The following REV1 variants were observed in gnomAD, a reference collection of about 807,000 sequenced individuals.
REV1 encodes REV1 DNA directed polymerase, also known as translesion synthesis protein REV1.
In REV1, 42 loss-of-function variants were observed where a neutral mutation model predicts 137.4. That is an observed-to-expected ratio of 0.31 (90% confidence interval 0.24 to 0.40). The LOEUF (loss-of-function observed/expected upper bound fraction) is 0.40, where lower values mean the gene tolerates loss of function less well. Among genes scored for constraint, REV1 ranks in the 10% least tolerant of loss-of-function variants. The probability of loss-of-function intolerance (pLI) is 1.00; values close to 1 mark genes in which losing one functional copy is unlikely to be tolerated. For synonymous variants in REV1, 524 were observed against 519.2 expected, an observed-to-expected ratio of 1.01 and a Z score of -0.12; for missense variants, 1,282 against 1,490.1, an observed-to-expected ratio of 0.86 and a Z score of 2.30.
intron 6 of REV1, among the ~76,000 whole-genome samples, chr2:99,436,993 T>G (rs891969013): frequency 1.3e-5 from 2 of 150,024 alleles, no homozygotes; most frequent in African/African-American, 4.9e-5. Flanking sequence ...TTTTTTTGTT[T>G]TTTTTTTTTT....
Position 99,402,784 on chromosome 2 carries a change from G to C in REV1, c.3401C>G (p.Ser1134Cys), listed in dbSNP as rs1486583082. 1.9e-6 allele frequency: 3 copies of C among 1,614,100 alleles called. No individual in the cohort carries two copies. Among genetic ancestry groups the C allele is most frequent in the Non-Finnish European group, 2.5e-6 (3 of 1,180,048 alleles). ...AEKPLEELSA[S>C]TSGVPGLSSL... ...AGAAAGGCCTGGCACACCTGAAGTA[G>C]AAGCAGAGAGTTCTTCCTGTTAAGA... The change falls in exon 21 of 23, where the codon TCT becomes TGT. Residue 1134 changes from serine (S) to cysteine (C), a missense_variant. Ser to Cys is a moderately radical substitution (Grantham distance 112). This residue lies in a region of REV1 where 170 missense variants were observed against 156.8 expected (regional missense o/e 1.08). Transcript: ENST00000258428.
At position 99,442,252 on chromosome 2, in the gene REV1, CAAAAAAAAA is replaced by C. The variant is rs3070575; in HGVS notation, c.503+56_503+64del. ...CGGCAACAAGAGCAAAACTCCATCT[CAAAAAAAAA>C]AAAAAAAAAAAAAAACCAACCAGCT... On this transcript the variant is annotated intron_variant, in intron 5 of 22. Transcript: ENST00000258428. 3.0e-4 allele frequency: 162 copies of C among 536,856 alleles called. 1 individual carries two copies. The highest frequency in any genetic ancestry group is 4.0e-4 in the Non-Finnish European group (158 of 390,282). The allele number at this position is 536,856 out of a possible 1,614,324, so 33.3% of individuals were successfully genotyped here.
chr2:99,476,031 CTA>C (rs893967403), intron 1 of REV1, among the ~76,000 whole-genome samples: 2 of 152,180 alleles, frequency 1.3e-5, no homozygotes, highest in Non-Finnish European at 2.9e-5. Flanking sequence ...TTCTACACAT[CTA>C]GTTTTAAAAA....
intron 1 of REV1, among the ~76,000 whole-genome samples, chr2:99,465,685 G>C (rs1365077725): frequency 6.6e-6 from 1 of 152,078 alleles, no homozygotes; most frequent in African/African-American, 2.4e-5. Context: ...TAAAGTCAAA[G>C]CCTTTTAACA....
chr2:99,489,194 A>T (rs1468838953), intron 1 of REV1, among the ~76,000 whole-genome samples: 1 of 152,192 alleles, frequency 6.6e-6, no homozygotes, highest in Non-Finnish European at 1.5e-5. Context: ...TATTTAGCGA[A>T]CGGACAAGCA....
chr2:99,409,406 C>G (rs1676789842), intron 14 of REV1, among the ~76,000 whole-genome samples: 2 of 152,150 alleles, frequency 1.3e-5, no homozygotes, highest in Non-Finnish European at 2.9e-5. Context: ...TTGTAAGTAG[C>G]TTTCAGTGTC....
At chr2:99,442,232 A>G (rs892457049) in intron 5 of REV1, 85 bp downstream of exon 5, 1 of 1,327,526 alleles carries the variant, frequency 7.5e-7, no homozygotes, top group Admixed American at 2.5e-5. Context: ...AGCCTCGGCA[A>G]CAAGAGCAAA....
chr2:99,431,779 G>A lies in REV1; in HGVS notation c.1439-1831C>T, dbSNP rs757917888. ...CAGCAGAGTGCGTGGGTCCCTCCACGAGCGGAGTGAGTTGCTTCATGTGAG... is the reference window on the plus strand; with the variant it reads ...CAGCAGAGTGCGTGGGTCCCTCCACAAGCGGAGTGAGTTGCTTCATGTGAG... On this transcript the variant is annotated intron_variant, in intron 8 of 22. Coordinates refer to ENST00000258428, the MANE Select transcript of REV1 (RefSeq NM_016316.4). The A allele has an allele frequency of 1.0e-5, 10 of 985,338 alleles. No individual in the cohort carries two copies. The African/African-American group carries it at 1.0e-4, about 10-fold the overall frequency. The allele number at this position is 985,338 out of a possible 1,614,324, so 61.0% of individuals were successfully genotyped here. A position where few individuals can be genotyped will look rare whatever the true frequency, so the allele number is the denominator to read the frequency against.
chr2:99,430,072 T>C (rs1223675589), intron 8 of REV1, 124 bp from the exon 9 acceptor site: 1 of 530,274 alleles, frequency 1.9e-6, no homozygotes, highest in Non-Finnish European at 3.2e-6. Context: ...TACAGTTATC[T>C]CTATTGGTAT....
At chr2:99,439,339 TAA>T (rs1463517706) in intron 5 of REV1, 29 bp from the exon 6 acceptor site, 11 of 1,511,858 alleles carry the variant, frequency 7.3e-6, no homozygotes, top group African/African-American at 1.4e-5. Flanking sequence ...TTTGAGTTAA[TAA>T]TATCTGACTT....
chr2:99,429,822 C>T lies in REV1; in HGVS notation c.1547+18G>A. 7.1e-7 allele frequency: 1 copy of T among 1,400,344 alleles called. No individual in the cohort carries two copies. The highest frequency in any genetic ancestry group is 9.8e-7 in the Non-Finnish European group (1 of 1,022,022). 86.7% of individuals were successfully genotyped at this position (1,400,344 alleles called of 1,614,324 possible). The stretch of plus-strand genomic sequence containing the variant: ...CCAAATTATTCATTAAGAATTGTAA[C>T]ACACAACTTCTACATACCTGGCCTC... On this transcript the variant is annotated intron_variant, in intron 9 of 22. Transcript: ENST00000258428.
chr2:99,479,314 G>A (rs191111797), intron 1 of REV1, among the ~76,000 whole-genome samples: 1,830 of 129,196 alleles, frequency 0.014, 27 homozygotes, highest in African/African-American at 0.046. Flanking sequence ...GTGACAGAGC[G>A]AGACTCTGTC....
At chr2:99,432,412 T>A (rs539281169) in intron 8 of REV1, among the ~76,000 whole-genome samples, 9 of 152,262 alleles carry the variant, frequency 5.9e-5, no homozygotes, top group African/African-American at 1.7e-4. Flanking sequence ...TGGTGCCATG[T>A]CTGATAATGA....
At chr2:99,419,815 G>A (rs1678425159) in intron 11 of REV1, among the ~76,000 whole-genome samples, 3 of 152,148 alleles carry the variant, frequency 2.0e-5, no homozygotes, top group Admixed American at 2.0e-4. Context: ...CTGCTAGGTG[G>A]GCTTCTCCGT....
chr2:99,474,575 A>T (rs912093789), intron 1 of REV1, among the ~76,000 whole-genome samples: 1 of 152,204 alleles, frequency 6.6e-6, no homozygotes, highest in East Asian at 1.9e-4. Flanking sequence ...AGGTCCTACA[A>T]TTAAGCTCCA....
chr2:99,464,145 T>G (rs1337726238), intron 2 of REV1, among the ~76,000 whole-genome samples: 1 of 152,220 alleles, frequency 6.6e-6, no homozygotes, highest in Non-Finnish European at 1.5e-5. Flanking sequence ...CAATAAATAT[T>G]AAAAAATAAT....
At position 99,403,027 on chromosome 2, in the gene REV1, T is replaced by G. The variant is rs371898747; in HGVS notation, c.3246A>C (p.Ser1082=). Residue 1082 remains serine, a synonymous_variant, in exon 20 of 23, where the codon TCA becomes TCC. Transcript: ENST00000258428. ...KRNKKKKTIG[S]PKRIQSPLNN... ...TCAAAGGACTCTGAATCCTTTTTGG[T>G]GAACCAATGGTTTTTTTCTTCTTGT... 6.2e-7 allele frequency: 1 copy of G among 1,614,048 alleles called. No individual in the cohort carries two copies. The highest frequency in any genetic ancestry group is 1.3e-5 in the African/African-American group (1 of 74,940).
Position 99,439,124 on chromosome 2 carries a change from AG to A in REV1, c.689del (p.Pro230LeufsTer7). 6.2e-7 allele frequency: 1 copy of A among 1,614,180 alleles called. No individual in the cohort carries two copies. Among genetic ancestry groups the A allele is most frequent in the Non-Finnish European group, 8.5e-7 (1 of 1,180,016 alleles). ...GTGTCTTTAAGGCACCATTAGAGCT[AG>A]GAGTGTGTCCATTAAAAATGGCAGT... ...GSTAIFNGHTPSSNGALKTQD... is the reference protein window; with the variant it reads ...GSTAIFNGHTXSSNGALKTQD... On this transcript the variant is annotated frameshift_variant, in exon 6 of 23. Transcript: ENST00000258428. LOFTEE classifies it high-confidence loss of function.
At chr2:99,416,056 T>G (rs983858792) in intron 12 of REV1, among the ~76,000 whole-genome samples, 1 of 152,264 alleles carries the variant, frequency 6.6e-6, no homozygotes, top group Non-Finnish European at 1.5e-5. Flanking sequence ...TTATTCTAAT[T>G]GTTTATTACT....
Sources: allele counts gnomAD v4.1 joint callset (sites outside exome capture counted in the v4.1 genomes callset), GRCh38; gene constraint gnomAD v4.1.1; regional missense constraint gnomAD v4.1.1; transcripts MANE v1.5; gene names NCBI Gene and HGNC (gene_info 2026-07-23, HGNC 2026-07-21).